The following FOXP1 variants were observed in gnomAD, a reference collection of about 807,000 sequenced individuals.
The protein encoded by FOXP1 is forkhead box protein P1.
Under a neutral mutation model 98.2 loss-of-function variants are expected in FOXP1, and 15 were observed. That is an observed-to-expected ratio of 0.15 (90% CI 0.10 to 0.24). The LOEUF (loss-of-function observed/expected upper bound fraction) is 0.24. Among genes scored for constraint, FOXP1 ranks in the 10% least tolerant of loss-of-function variants. The pLI, the probability that FOXP1 is intolerant of heterozygous loss-of-function variation, is 1.00. For missense variants in FOXP1, 633 were observed against 848.5 expected (o/e 0.75, Z 3.15); for synonymous variants, 371 against 314.5 (o/e 1.18, Z -1.90).
chr3:71,224,684 T>C (rs907147520), intron 5 of FOXP1, among the ~76,000 whole-genome samples: 1 of 152,306 alleles, frequency 6.6e-6, no homozygotes, highest in East Asian at 1.9e-4. Flanking sequence ...GGACATTTGT[T>C]GAATAAACAA....
At chr3:71,051,943 T>C (rs1361339920) in intron 9 of FOXP1, among the ~76,000 whole-genome samples, 3 of 152,208 alleles carry the variant, frequency 2.0e-5, no homozygotes, top group Non-Finnish European at 4.4e-5. Context: ...TTCTCCACCC[T>C]GCCCAAGAAA....
chr3:71,118,797 C>A (rs1304008183), intron 6 of FOXP1, among the ~76,000 whole-genome samples: 1 of 152,160 alleles, frequency 6.6e-6, no homozygotes, highest in Non-Finnish European at 1.5e-5. Context: ...ATATGGTATT[C>A]AAATTTTGGT....
At chr3:71,333,563 C>G (rs548370527) in intron 4 of FOXP1, 40 of 152,350 alleles carry the variant, frequency 2.6e-4, no homozygotes, top group African/African-American at 9.4e-4. Flanking sequence ...TGGCTCACAC[C>G]TGTAATCCCA....
chr3:71,474,317 G>C (rs1364058171), intron 3 of FOXP1, among the ~76,000 whole-genome samples: 1 of 152,176 alleles, frequency 6.6e-6, no homozygotes. Context: ...ATGTGATCAA[G>C]AGAAAAGAAC....
chr3:70,997,728 T>A (rs116322769), intron 13 of FOXP1, among the ~76,000 whole-genome samples: 1 of 152,362 alleles, frequency 6.6e-6, no homozygotes, highest in African/African-American at 2.4e-5. Flanking sequence ...TATTTTGTAG[T>A]CTATTCTTCC....
At chr3:71,067,209 C>T (rs1197695228) in intron 7 of FOXP1, among the ~76,000 whole-genome samples, 1 of 152,164 alleles carries the variant, frequency 6.6e-6, no homozygotes, top group Non-Finnish European at 1.5e-5. Flanking sequence ...GATATGGTGA[C>T]TCAGAGACTA....
chr3:70,972,569 T>A lies in FOXP1; in HGVS notation c.1638A>T (p.Pro546=). Reference sequence around the variant, plus strand: ...GGTGGACGTACCCACTGATCTTTTGTGGCCTTCGTTTTTGGAATTCTACTT... The same window carrying A: ...GGTGGACGTACCCACTGATCTTTTGAGGCCTTCGTTTTTGGAATTCTACTT... ...VDEVEFQKRR[P]QKISGNPSLI... is the part of the protein sequence containing the mutation. Residue 546 remains proline, a synonymous_variant, in exon 18 of 21, where the codon CCA becomes CCT. Transcript: ENST00000649528. 1 of 1,614,262 alleles carries A rather than the reference T, an allele frequency of 6.2e-7. No homozygotes were observed. The highest frequency in any genetic ancestry group is 1.1e-5 in the South Asian group (1 of 91,090).
chr3:71,249,973 T>C lies in FOXP1; in HGVS notation c.-12+49847A>G, dbSNP rs186130892. Among the ~76,000 whole-genome samples, 453 of 152,250 alleles carry C rather than the reference T, an allele frequency of 3.0e-3. 5 individuals carry two copies. Among genetic ancestry groups the C allele is most frequent in the Admixed American group, 0.027 (409 of 15,284 alleles). On this transcript the variant is annotated intron_variant, in intron 5 of 20. Coordinates refer to ENST00000649528, the MANE Select transcript of FOXP1 (RefSeq NM_001349338.3). ...TTAACCCTACTTAGCACCAATATTA[T>C]ATCCAGAACACATGTTGTCTGACAT...
chr3:71,473,499 T>G (rs2089541230), intron 3 of FOXP1, among the ~76,000 whole-genome samples: 1 of 152,152 alleles, frequency 6.6e-6, no homozygotes, highest in Non-Finnish European at 1.5e-5. Flanking sequence ...CCCAAAATTT[T>G]GTGTATAGCC....
chr3:71,452,701 C>G (rs1378971901), intron 3 of FOXP1, among the ~76,000 whole-genome samples: 12 of 152,130 alleles, frequency 7.9e-5, no homozygotes, highest in Admixed American at 7.2e-4. Flanking sequence ...TGCCTCCCTC[C>G]CAAGTCAACT....
In FOXP1 at chr3:71,198,276, G is replaced by T. The variant is rs935869094; in HGVS notation, c.106C>A (p.Arg36=). 6.2e-7 allele frequency: 1 copy of T among 1,614,138 alleles called. No homozygotes were observed. The highest frequency in any genetic ancestry group is 8.5e-7 in the Non-Finnish European group (1 of 1,180,026). ...LLECGGLREG[R]SNGETPAVDI... ...ACGGCCGGCGTCTCTCCGTTGGACC[G>T]CCCCTCCCGAAGACCGCCGCACTCT... Residue 36 remains arginine (R), a synonymous_variant, in exon 6 of 21, where the codon CGG becomes AGG. Coordinates refer to ENST00000649528, the MANE Select transcript of FOXP1 (RefSeq NM_001349338.3).
intron 6 of FOXP1, among the ~76,000 whole-genome samples, chr3:71,149,225 G>C (rs1408924440): frequency 1.3e-5 from 2 of 152,166 alleles, no homozygotes; most frequent in Admixed American, 6.5e-5. Flanking sequence ...TGTCTGCGTG[G>C]GCTATGGGAG....
chr3:71,474,224 G>GA (rs1408107535), intron 3 of FOXP1, among the ~76,000 whole-genome samples: 1 of 152,106 alleles, frequency 6.6e-6, no homozygotes, highest in Non-Finnish European at 1.5e-5. Context: ...AATTGATCAT[G>GA]AAACAGTAAA....
chr3:71,454,385 G>A (rs1314509937), intron 3 of FOXP1, among the ~76,000 whole-genome samples: 1 of 152,180 alleles, frequency 6.6e-6, no homozygotes, highest in Non-Finnish European at 1.5e-5. Context: ...GTTACCCACT[G>A]AAGCAGGAGC....
chr3:71,412,050 G>A (rs558781672), intron 3 of FOXP1, among the ~76,000 whole-genome samples: 32 of 152,336 alleles, frequency 2.1e-4, no homozygotes, highest in Middle Eastern at 3.4e-3. Flanking sequence ...AAGAGTCACT[G>A]TGTCTTGCCC....
chr3:71,041,351 T>C lies in FOXP1; in HGVS notation c.846A>G (p.Ser282=). ...NPHASTNGQL[S]VHTPKRESLS... ...ACCTTTCCCTTTTGGGAGTGTGGACTGAGAGCTGTCCATTGGTAGAGGCAT... is the reference window on the plus strand; with the variant it reads ...ACCTTTCCCTTTTGGGAGTGTGGACCGAGAGCTGTCCATTGGTAGAGGCAT... The change falls in exon 11 of 21, where the codon TCA becomes TCG. Residue 282 remains serine, a synonymous_variant. Coordinates refer to ENST00000649528, the MANE Select transcript of FOXP1 (RefSeq NM_001349338.3). 1 of 1,613,656 alleles carries C rather than the reference T, an allele frequency of 6.2e-7. No homozygotes were observed. The highest frequency in any genetic ancestry group is 1.1e-5 in the South Asian group (1 of 91,084).
intron 5 of FOXP1, among the ~76,000 whole-genome samples, chr3:71,254,406 G>A (rs1008930626): frequency 6.6e-6 from 1 of 152,160 alleles, no homozygotes; most frequent in African/African-American, 2.4e-5. Context: ...GAGGTATTGT[G>A]GACCGGCATT....
intron 4 of FOXP1, among the ~76,000 whole-genome samples, chr3:71,315,074 C>G (rs1445175369): frequency 2.2e-5 from 2 of 90,394 alleles, no homozygotes; most frequent in African/African-American, 4.8e-5. Flanking sequence ...CACACCTGGT[C>G]CATGTAAAAA....
intron 3 of FOXP1, among the ~76,000 whole-genome samples, chr3:71,368,312 G>A (rs2079061007): frequency 6.6e-6 from 1 of 152,076 alleles, no homozygotes; most frequent in South Asian, 2.1e-4. Context: ...TTTTAGGAGA[G>A]ATGGGGTTTC....
Sources: gnomAD v4.1 joint callset for allele counts (sites outside exome capture counted in the v4.1 genomes callset) on GRCh38, gnomAD v4.1.1 for gene constraint, MANE v1.5 for transcripts, NCBI Gene and HGNC (gene_info 2026-07-23, HGNC 2026-07-21) for gene names.